The following SYT9 variants were observed in gnomAD, a reference collection of about 807,000 sequenced individuals.
SYT9 encodes the protein synaptotagmin-9.
Under a neutral mutation model 48.4 loss-of-function variants are expected in SYT9, and 22 were observed. The observed-to-expected ratio is 0.45, with a 90% CI of 0.32 to 0.65. The LOEUF (loss-of-function observed/expected upper bound fraction) is 0.65, where lower values mean the gene tolerates loss of function less well. Among genes scored for constraint, SYT9 ranks in the 30% least tolerant of loss-of-function variants. The pLI, the probability that SYT9 is intolerant of heterozygous loss-of-function variation, is 0.03. For synonymous variants in SYT9, 265 were observed against 245.0 expected (o/e 1.08, Z -0.76); for missense variants, 577 against 622.0 (o/e 0.93, Z 0.77).
At chr11:7,273,068 T>C (rs534749037) in intron 1 of SYT9, among the ~76,000 whole-genome samples, 1 of 152,302 alleles carries the variant, frequency 6.6e-6, no homozygotes, top group South Asian at 2.1e-4. Flanking sequence ...TGATAGAATC[T>C]ATAGAACATG....
In SYT9 at chr11:7,417,954, C is replaced by T; in HGVS notation, c.1166-3C>T. The stretch of plus-strand genomic sequence containing the variant: ...GTACTCCTGCTTCTCATGGTCTGTC[C>T]AGATCCCTATGTGAAAGTCTCGCTG... On this transcript the variant is annotated splice_region_variant and splice_polypyrimidine_tract_variant and intron_variant, in intron 4 of 6. Coordinates refer to ENST00000318881, the MANE Select transcript of SYT9 (RefSeq NM_175733.4). 1 of 1,612,908 alleles carries T rather than the reference C, an allele frequency of 6.2e-7. No homozygotes were observed. Among genetic ancestry groups the T allele is most frequent in the Non-Finnish European group, 8.5e-7 (1 of 1,179,330 alleles).
At chr11:7,379,452 C>T (rs1564883165) in intron 3 of SYT9, among the ~76,000 whole-genome samples, 1 of 152,028 alleles carries the variant, frequency 6.6e-6, no homozygotes, top group Non-Finnish European at 1.5e-5. Flanking sequence ...TCTCAGTCTC[C>T]GTATCTTCCC....
At chr11:7,317,733 A>G (rs1324216568) in intron 3 of SYT9, among the ~76,000 whole-genome samples, 2 of 152,224 alleles carry the variant, frequency 1.3e-5, no homozygotes, top group Non-Finnish European at 2.9e-5. Flanking sequence ...TTTTCCCAAT[A>G]ATATGCACTG....
chr11:7,308,168 T>C (rs1259041858), intron 2 of SYT9, among the ~76,000 whole-genome samples: 1 of 152,226 alleles, frequency 6.6e-6, no homozygotes, highest in Admixed American at 6.5e-5. Flanking sequence ...AAAAACATCC[T>C]GTCTCCACCA....
intron 3 of SYT9, among the ~76,000 whole-genome samples, chr11:7,402,599 GA>G (rs1335179606): frequency 3.9e-5 from 6 of 152,086 alleles, no homozygotes; most frequent in Non-Finnish European, 7.4e-5. Flanking sequence ...TTCCTCCATG[GA>G]AATGTTCCTT....
intron 6 of SYT9, among the ~76,000 whole-genome samples, chr11:7,424,860 C>T (rs1320203437): frequency 6.6e-6 from 1 of 152,190 alleles, no homozygotes; most frequent in African/African-American, 2.4e-5. Context: ...CTGGGACCAG[C>T]TCATTGAGCC....
At chr11:7,409,275 T>A (rs1394609157) in intron 3 of SYT9, among the ~76,000 whole-genome samples, 3 of 152,190 alleles carry the variant, frequency 2.0e-5, no homozygotes, top group Admixed American at 1.3e-4. Flanking sequence ...TATATTATCT[T>A]TTTGATGTGT....
intron 3 of SYT9, among the ~76,000 whole-genome samples, chr11:7,316,533 A>G (rs1849246803): frequency 6.6e-6 from 1 of 152,138 alleles, no homozygotes; most frequent in Non-Finnish European, 1.5e-5. Context: ...ATATATGACA[A>G]ATTTGCATTC....
intron 3 of SYT9, among the ~76,000 whole-genome samples, chr11:7,337,432 T>A (rs1341988141): frequency 6.6e-6 from 1 of 152,156 alleles, no homozygotes; most frequent in African/African-American, 2.4e-5. Flanking sequence ...AGGGTATTCA[T>A]GTCTTGTGCC....
intron 6 of SYT9, chr11:7,454,315 G>T: frequency 1.0e-6 from 1 of 985,180 alleles, no homozygotes; most frequent in Non-Finnish European, 1.2e-6. Context: ...GATTCCAGAT[G>T]ATGCTTACCA....
intron 1 of SYT9, among the ~76,000 whole-genome samples, chr11:7,243,833 C>A (rs1847765473): frequency 6.6e-6 from 1 of 152,208 alleles, no homozygotes; most frequent in African/African-American, 2.4e-5. Flanking sequence ...TGGATTTCAT[C>A]ATCCTCTTCT....
upstream of SYT9, among the ~76,000 whole-genome samples, chr11:7,247,349 T>C (rs185214078): frequency 5.3e-5 from 8 of 151,856 alleles, no homozygotes; most frequent in East Asian, 1.6e-3. Flanking sequence ...GAACATAAGA[T>C]GTTTGGTTTT....
At chr11:7,270,874 T>C (rs1019782610) in intron 1 of SYT9, among the ~76,000 whole-genome samples, 104 of 114,278 alleles carry the variant, frequency 9.1e-4, no homozygotes, top group Admixed American at 1.3e-3. Context: ...CACACACACA[T>C]AATGTGGAGA....
At chr11:7,262,340 C>G (rs542552374) in intron 1 of SYT9, among the ~76,000 whole-genome samples, 1 of 152,208 alleles carries the variant, frequency 6.6e-6, no homozygotes, top group East Asian at 1.9e-4. Flanking sequence ...GGGATACAGA[C>G]TAGCCGTCTG....
intron 3 of SYT9, among the ~76,000 whole-genome samples, chr11:7,380,374 T>C (rs774268151): frequency 2.0e-5 from 3 of 152,098 alleles, no homozygotes; most frequent in African/African-American, 4.8e-5. Context: ...GATAGCACCA[T>C]AGGGTGACTA....
chr11:7,394,022 A>G (rs1846694235), intron 3 of SYT9, among the ~76,000 whole-genome samples: 1 of 150,948 alleles, frequency 6.6e-6, no homozygotes, highest in African/African-American at 2.4e-5. Flanking sequence ...CAGGCTTGTT[A>G]CATATGTATA....
At chr11:7,387,899 A>G (rs1285286330) in intron 3 of SYT9, among the ~76,000 whole-genome samples, 1 of 152,168 alleles carries the variant, frequency 6.6e-6, no homozygotes, top group Non-Finnish European at 1.5e-5. Context: ...TTCTGGATTC[A>G]GTTTTACATT....
intron 1 of SYT9, among the ~76,000 whole-genome samples, chr11:7,293,831 A>G (rs1469039729): frequency 6.6e-6 from 1 of 152,194 alleles, no homozygotes; most frequent in Admixed American, 6.5e-5. Context: ...ATGGCCATAG[A>G]AAGAAGCCCT....
At chr11:7,305,429 A>G (rs1849013576) in intron 2 of SYT9, among the ~76,000 whole-genome samples, 1 of 152,204 alleles carries the variant, frequency 6.6e-6, no homozygotes, top group Non-Finnish European at 1.5e-5. Flanking sequence ...TCCTTGTCTC[A>G]GGATCTCACC....
Sources: allele counts gnomAD v4.1 joint callset (sites outside exome capture counted in the v4.1 genomes callset), GRCh38; gene constraint gnomAD v4.1.1; transcripts MANE v1.5; gene names NCBI Gene and HGNC (gene_info 2026-07-23, HGNC 2026-07-21).